BRAF: variants seen among roughly 807,000 people sequenced by gnomAD.
BRAF encodes the protein serine/threonine-protein kinase B-raf.
BRAF carries 16 observed loss-of-function variants against 104.6 expected under a neutral mutation model. The observed-to-expected ratio is 0.15, with a 90% CI of 0.10 to 0.23. The LOEUF is 0.23. BRAF is among the 10% of genes least tolerant of loss of function. The pLI is 1.00. For missense variants in BRAF, 541 were observed against 937.3 expected (o/e 0.58, Z 5.52); for synonymous variants, 310 against 341.6 (o/e 0.91, Z 1.02).
chr7:140,868,785 A>G (rs1811247825), intron 1 of BRAF, among the ~76,000 whole-genome samples: 1 of 152,224 alleles, frequency 6.6e-6, no homozygotes, highest in African/African-American at 2.4e-5. Flanking sequence ...ATATTTTTAA[A>G]GTATTACTCT....
chr7:140,923,220 G>A (rs959714145), intron 1 of BRAF, among the ~76,000 whole-genome samples: 2 of 152,000 alleles, frequency 1.3e-5, no homozygotes, highest in South Asian at 2.1e-4. Flanking sequence ...GAGAGAATGA[G>A]ATGTTATGAG....
chr7:140,817,072 C>CA (rs913254881), intron 3 of BRAF, among the ~76,000 whole-genome samples: 7 of 151,700 alleles, frequency 4.6e-5, no homozygotes, highest in African/African-American at 1.7e-4. Flanking sequence ...AAGACTCCAC[C>CA]AAAAAAACAA....
rs377734148 is a variant in BRAF at position 140,797,486 on chromosome 7, T to C, written c.980+2876A>G. Among the ~76,000 whole-genome samples the C allele has an allele frequency of 9.3e-4, 142 of 152,342 alleles. 2 individuals are homozygous for C. The South Asian group carries it at 0.027, about 29-fold the overall frequency. ...AAAAGAGTTTTGATACTGAACAAGA[T>C]TGGCTTCTATCTTTACAGAGACAAC... On this transcript the variant is annotated intron_variant, in intron 7 of 19. Coordinates refer to ENST00000644969, the MANE Select transcript of BRAF (RefSeq NM_001374258.1).
intron 1 of BRAF, among the ~76,000 whole-genome samples, chr7:140,858,571 A>T (rs1023997359): frequency 2.0e-5 from 3 of 152,202 alleles, no homozygotes; most frequent in Non-Finnish European, 2.9e-5. Flanking sequence ...AACTACTACT[A>T]AAAGTCAACA....
chr7:140,842,337 CAA>C (rs1322251427), intron 2 of BRAF, among the ~76,000 whole-genome samples: 4 of 152,140 alleles, frequency 2.6e-5, no homozygotes, highest in Non-Finnish European at 5.9e-5. Context: ...AAGTGTAACT[CAA>C]AGGGTAGGCT....
chr7:140,759,074 A>G (rs1380142968), intron 14 of BRAF, among the ~76,000 whole-genome samples: 1 of 152,240 alleles, frequency 6.6e-6, no homozygotes, highest in East Asian at 1.9e-4. Flanking sequence ...CACTGGCTGC[A>G]TGCAGTGTTA....
At chr7:140,904,518 A>C (rs1816073549) in intron 1 of BRAF, among the ~76,000 whole-genome samples, 1 of 152,218 alleles carries the variant, frequency 6.6e-6, no homozygotes, top group African/African-American at 2.4e-5. Context: ...CAATGGTCTA[A>C]GATATATCAA....
At chr7:140,853,498 G>A (rs1321645479) in intron 1 of BRAF, among the ~76,000 whole-genome samples, 1 of 152,078 alleles carries the variant, frequency 6.6e-6, no homozygotes, top group Admixed American at 6.5e-5. Flanking sequence ...ATTTCTTATT[G>A]TTCTCCCGTC....
At chr7:140,923,590 AT>A (rs1818499331) in intron 1 of BRAF, among the ~76,000 whole-genome samples, 1 of 152,232 alleles carries the variant, frequency 6.6e-6, no homozygotes, top group South Asian at 2.1e-4. Context: ...AGAGGTGTGA[AT>A]GCACAATGGA....
Position 140,800,416 on chromosome 7 carries a change from TCTG to T in BRAF, c.923_925del (p.Ala308del), listed in dbSNP as rs763304572. ...GGATGATCCAGATGTTAGGGCAGTC[TCTG>T]CTAAGGACGCCTCTTCCTGTGGTAT... On this transcript the variant is annotated inframe_deletion, in exon 7 of 20. Transcript: ENST00000644969. 1 of 1,614,200 alleles carries T rather than the reference TCTG, an allele frequency of 6.2e-7. No individual in the cohort carries two copies. The highest frequency in any genetic ancestry group is 8.5e-7 in the Non-Finnish European group (1 of 1,180,032).
chr7:140,855,736 T>C lies in BRAF; in HGVS notation c.139-5524A>G, dbSNP rs562933627. 1.5e-4 allele frequency among the ~76,000 whole-genome samples: 22 copies of C among 151,636 alleles called. No homozygotes were observed. The South Asian group carries it at 1.5e-3, about 10-fold the overall frequency. On this transcript the variant is annotated intron_variant, in intron 1 of 19. Coordinates refer to ENST00000644969, the MANE Select transcript of BRAF (RefSeq NM_001374258.1). The stretch of plus-strand genomic sequence containing the variant: ...TCAACAAAGATAACATAAAAAAAAA[T>C]AGGCCACGTACAATGGCTCATTCCT...
At chr7:140,832,195 T>C (rs551901065) in intron 3 of BRAF, among the ~76,000 whole-genome samples, 39 of 152,338 alleles carry the variant, frequency 2.6e-4, no homozygotes, top group African/African-American at 9.4e-4. Flanking sequence ...TATCTTGGAC[T>C]ACAAATCTAA....
intron 1 of BRAF, among the ~76,000 whole-genome samples, chr7:140,870,603 A>G (rs1390211032): frequency 2.0e-5 from 3 of 150,766 alleles, no homozygotes; most frequent in African/African-American, 7.3e-5. Context: ...GTCTCTAGTG[A>G]TATCACCCTT....
At chr7:140,758,897 C>T (rs1179762403) in intron 14 of BRAF, among the ~76,000 whole-genome samples, 1 of 152,218 alleles carries the variant, frequency 6.6e-6, no homozygotes, top group East Asian at 1.9e-4. Context: ...TCCGTCACCC[C>T]AGAAAGTTTC....
chr7:140,798,799 T>G (rs1802776732), intron 7 of BRAF, among the ~76,000 whole-genome samples: 1 of 151,938 alleles, frequency 6.6e-6, no homozygotes, highest in South Asian at 2.1e-4. Context: ...TCATCTTTAT[T>G]GTGTCTTCCT....
Position 140,721,710 on chromosome 7 carries a change from G to A in BRAF, c.*4784C>T. On this transcript the variant is annotated 3_prime_UTR_variant, in exon 20 of 20. Coordinates refer to ENST00000644969, the MANE Select transcript of BRAF (RefSeq NM_001374258.1). ...CAGTATAACATTTCAAGGATGTGCT[G>A]GAGACAATACATGGACTTTCTCTTT... 3 of 1,528,402 alleles carry A rather than the reference G, an allele frequency of 2.0e-6. No homozygotes were observed. Among genetic ancestry groups the A allele is most frequent in the Non-Finnish European group, 2.6e-6 (3 of 1,143,754 alleles). The allele number at this position is 1,528,402 out of a possible 1,614,324, so 94.7% of individuals were successfully genotyped here. A position where few individuals can be genotyped will look rare whatever the true frequency, so the allele number is the denominator to read the frequency against.
rs1795599617 is a variant in BRAF at position 140,726,418 on chromosome 7, G to T, written c.*76C>A. The T allele has an allele frequency of 2.0e-6, 3 of 1,528,640 alleles. No homozygotes were observed. Among genetic ancestry groups the T allele is most frequent in the Admixed American group, 4.1e-5 (2 of 49,286 alleles). 94.7% of individuals were successfully genotyped at this position (1,528,640 alleles called of 1,614,324 possible). A position where few individuals can be genotyped will look rare whatever the true frequency, so the allele number is the denominator to read the frequency against. On this transcript the variant is annotated 3_prime_UTR_variant, in exon 20 of 20. Transcript: ENST00000644969. The stretch of plus-strand genomic sequence containing the variant: ...TCTTTAAAAAAAGATTTGAGGAACA[G>T]AACTGTGTTTTGATGTTAACAAATT...
At position 140,754,236 on chromosome 7, in the gene BRAF, GA is replaced by G; in HGVS notation, c.1815-4del. On this transcript the variant is annotated splice_region_variant and splice_polypyrimidine_tract_variant and intron_variant, in intron 14 of 19. Coordinates refer to ENST00000644969, the MANE Select transcript of BRAF (RefSeq NM_001374258.1). ...TGATTGACTTGGCGTGTAAGTAACT[GA>G]AAAACAAAACATCATTTTAACCTGA... is the stretch of plus-strand genomic sequence containing the variant. 1 of 1,613,380 alleles carries G rather than the reference GA, an allele frequency of 6.2e-7. No individual in the cohort carries two copies. Among genetic ancestry groups the G allele is most frequent in the Non-Finnish European group, 8.5e-7 (1 of 1,179,466 alleles).
intron 3 of BRAF, among the ~76,000 whole-genome samples, chr7:140,833,677 T>C (rs756918591): frequency 2.6e-5 from 4 of 152,192 alleles, no homozygotes; most frequent in Non-Finnish European, 5.9e-5. Flanking sequence ...TGTCTGTACA[T>C]GGAAAAAGGG....
Sources: gnomAD v4.1 joint callset for allele counts (sites outside exome capture counted in the v4.1 genomes callset) on GRCh38, gnomAD v4.1.1 for gene constraint, MANE v1.5 for transcripts, NCBI Gene and HGNC (gene_info 2026-07-23, HGNC 2026-07-21) for gene names.